PAX8: variants seen among roughly 807,000 people sequenced by gnomAD.
PAX8 encodes the protein paired box 8.
In PAX8, 15 loss-of-function variants were observed where a neutral mutation model predicts 52.4. That is an observed-to-expected ratio of 0.29 (90% CI 0.19 to 0.44). The LOEUF (loss-of-function observed/expected upper bound fraction) is 0.44. Ranked by LOEUF, PAX8 falls within the 20% of genes least tolerant of loss-of-function variation. The pLI is 1.00. For synonymous variants in PAX8, 284 were observed against 249.7 expected (o/e 1.14, Z -1.29); for missense variants, 554 against 602.5 (o/e 0.92, Z 0.84).
At chr2:113,267,709 C>T (rs1375454579) in intron 2 of PAX8, 1 of 152,260 alleles carries the variant, frequency 6.6e-6, no homozygotes, top group African/African-American at 2.4e-5. Context: ...TTCCCAGCTG[C>T]ATTTCTCAGG....
At chr2:113,236,498 G>A (rs568444238) in intron 8 of PAX8, 103 bp downstream of exon 8, 5 of 1,359,252 alleles carry the variant, frequency 3.7e-6, no homozygotes, top group Non-Finnish European at 4.9e-6. Context: ...GGCACAGCCC[G>A]CCTCTCCTCT....
intron 7 of PAX8, chr2:113,239,856 G>A (rs1222193033): frequency 6.6e-6 from 1 of 152,158 alleles, no homozygotes; most frequent in South Asian, 2.1e-4. Context: ...GATTGCCCAA[G>A]CCCTCCTTGT....
intron 9 of PAX8, among the ~76,000 whole-genome samples, chr2:113,231,915 A>G (rs1689920440): frequency 6.6e-6 from 1 of 152,006 alleles, no homozygotes; most frequent in Non-Finnish European, 1.5e-5. Context: ...TTTAGTAGAG[A>G]TGGGGTTTCT....
At chr2:113,264,890 G>A (rs1319961689) in intron 2 of PAX8, among the ~76,000 whole-genome samples, 2 of 152,194 alleles carry the variant, frequency 1.3e-5, no homozygotes, top group African/African-American at 4.8e-5. Flanking sequence ...AATGTACATG[G>A]TGTATTTTGG....
chr2:113,234,637 C>T (rs915879404), intron 9 of PAX8, among the ~76,000 whole-genome samples: 12 of 152,242 alleles, frequency 7.9e-5, no homozygotes, highest in African/African-American at 1.4e-4. Flanking sequence ...TCTCCTGCCT[C>T]GGCCTCCCCA....
intron 7 of PAX8, chr2:113,236,964 C>A: frequency 1.8e-6 from 1 of 554,904 alleles, no homozygotes; most frequent in Non-Finnish European, 3.2e-6. Context: ...GATAGAGAGT[C>A]TCAGCCAGAG....
chr2:113,224,189 TGATGGAAA>T (rs1330743200), intron 10 of PAX8, among the ~76,000 whole-genome samples: 22 of 151,598 alleles, frequency 1.5e-4, no homozygotes, highest in Admixed American at 1.2e-3. Flanking sequence ...ATAAAAGGAT[TGATGGAAA>T]GATGGATGGA....
chr2:113,254,846 A>C (rs76292218), intron 2 of PAX8, among the ~76,000 whole-genome samples: 7,281 of 152,190 alleles, frequency 0.048, 251 homozygotes, highest in African/African-American at 0.099. Context: ...CACCTTCTCC[A>C]GATTGATTTC....
chr2:113,230,757 A>G (rs1229459265), intron 9 of PAX8: 1 of 152,262 alleles, frequency 6.6e-6, no homozygotes, highest in African/African-American at 2.4e-5. Context: ...CTTCTTAGAA[A>G]CAAAACCACA....
intron 9 of PAX8, among the ~76,000 whole-genome samples, chr2:113,233,018 C>T (rs1196813341): frequency 6.9e-6 from 1 of 144,970 alleles, no homozygotes; most frequent in Non-Finnish European, 1.5e-5. Flanking sequence ...CTCTTCTCCT[C>T]ACCCCCTCCC....
chr2:113,278,397 C>G lies in PAX8; in HGVS notation c.-3G>C. On this transcript the variant is annotated 5_prime_UTR_variant, in exon 2 of 12. Transcript: ENST00000429538. The stretch of plus-strand genomic sequence containing the variant: ...GATCTGATGGAGTTGTGAGGCATCG[C>G]CGGGGAGTCGCTCGCAGCCCGCCGA... 2 of 1,610,758 alleles carry G rather than the reference C, an allele frequency of 1.2e-6. No homozygotes were observed. Among genetic ancestry groups the G allele is most frequent in the Non-Finnish European group, 1.7e-6 (2 of 1,178,600 alleles).
chr2:113,250,440 A>G lies in PAX8; in HGVS notation c.26-3521T>C, dbSNP rs566829936. ...ACTAGGGAGTGTTTTCTCAAACTTC[A>G]GTGTGCATCAGAATCACTTGGCAGT... is the stretch of plus-strand genomic sequence containing the variant. On this transcript the variant is annotated intron_variant, in intron 2 of 11. Transcript: ENST00000429538. Among the ~76,000 whole-genome samples, 9 of 152,332 alleles carry G rather than the reference A, an allele frequency of 5.9e-5. No individual in the cohort carries two copies. The South Asian group carries it at 1.4e-3, about 25-fold the overall frequency.
At chr2:113,262,935 A>G (rs1692793511) in intron 2 of PAX8, among the ~76,000 whole-genome samples, 1 of 152,204 alleles carries the variant, frequency 6.6e-6, no homozygotes, top group African/African-American at 2.4e-5. Flanking sequence ...AGTTTGTAGT[A>G]CTTTGTCACT....
At chr2:113,244,690 G>A in intron 3 of PAX8, 66 bp from the exon 4 acceptor site, 3 of 1,446,350 alleles carry the variant, frequency 2.1e-6, no homozygotes, top group Non-Finnish European at 2.9e-6. Context: ...CAGGGATTTA[G>A]CCAGAGCCTC....
At chr2:113,227,867 A>T (rs1021485899) in intron 9 of PAX8, among the ~76,000 whole-genome samples, 1 of 152,196 alleles carries the variant, frequency 6.6e-6, no homozygotes, top group Non-Finnish European at 1.5e-5. Flanking sequence ...GTTGCCAGGT[A>T]CAGGAAACCG....
chr2:113,248,610 A>G (rs1005179062), intron 2 of PAX8, among the ~76,000 whole-genome samples: 11 of 152,140 alleles, frequency 7.2e-5, no homozygotes, highest in South Asian at 4.1e-4. Flanking sequence ...CTGCCTTGCA[A>G]TGTCTCCTCA....
At chr2:113,272,192 C>T (rs12476331) in intron 2 of PAX8, 27,298 of 152,022 alleles carry the variant, frequency 0.18, 2,600 homozygotes, top group Non-Finnish European at 0.22. Context: ...TTAGACATGC[C>T]TCAGTAAACA....
chr2:113,258,112 T>C (rs1378836056), intron 2 of PAX8, among the ~76,000 whole-genome samples: 1 of 152,208 alleles, frequency 6.6e-6, no homozygotes, highest in African/African-American at 2.4e-5. Flanking sequence ...GAATATGTCC[T>C]TTCGTCACCT....
At chr2:113,249,784 A>C (rs1691615593) in intron 2 of PAX8, among the ~76,000 whole-genome samples, 1 of 152,124 alleles carries the variant, frequency 6.6e-6, no homozygotes, top group African/African-American at 2.4e-5. Flanking sequence ...TCTGGTGCTT[A>C]TTTTATTTGA....
Sources: gnomAD v4.1 joint callset for allele counts (sites outside exome capture counted in the v4.1 genomes callset) on GRCh38, gnomAD v4.1.1 for gene constraint, MANE v1.5 for transcripts, NCBI Gene and HGNC (gene_info 2026-07-23, HGNC 2026-07-21) for gene names.